Variants in TSHZ2 observed in about 807,000 individuals in gnomAD.
TSHZ2 encodes the protein teashirt zinc finger homeobox 2.
TSHZ2 carries 21 observed loss-of-function variants against 74.4 expected under a neutral mutation model. That is an observed-to-expected ratio of 0.28 (90% CI 0.20 to 0.41). The LOEUF (loss-of-function observed/expected upper bound fraction) is 0.41. Among genes scored for constraint, TSHZ2 ranks in the 10% least tolerant of loss-of-function variants. The pLI is 1.00. For missense variants in TSHZ2, 1,244 were observed against 1,293.5 expected, an observed-to-expected ratio of 0.96 and a Z score of 0.59; for synonymous variants, 540 against 515.3, an observed-to-expected ratio of 1.05 and a Z score of -0.65.
At chr20:53,139,248 A>G (rs1046495251) in intron 1 of TSHZ2, among the ~76,000 whole-genome samples, 3 of 152,138 alleles carry the variant, frequency 2.0e-5, no homozygotes, top group Non-Finnish European at 4.4e-5. Flanking sequence ...GACTAAGGCT[A>G]TTTTGTTCAT....
At chr20:53,303,323 G>T (rs148358338) in intron 2 of TSHZ2, among the ~76,000 whole-genome samples, 1 of 152,272 alleles carries the variant, frequency 6.6e-6, no homozygotes, top group East Asian at 1.9e-4. Context: ...CTTAATCAGA[G>T]AAACTGTTTT....
rs550136855 is a variant in TSHZ2 at position 53,204,662 on chromosome 20, C to G, written c.41-48837C>G. 6.6e-5 allele frequency among the ~76,000 whole-genome samples: 10 copies of G among 152,206 alleles called. No individual in the cohort carries two copies. In the South Asian group the frequency reaches 1.2e-3, roughly 19 times the overall value. The stretch of plus-strand genomic sequence containing the variant: ...AATCACAGACACCATTTACCGGGTT[C>G]CTACCATGCATCACTGTATGAAGTT... On this transcript the variant is annotated intron_variant, in intron 1 of 2. Coordinates refer to ENST00000371497, the MANE Select transcript of TSHZ2 (RefSeq NM_173485.6).
chr20:53,405,943 G>A (rs1377990665), intron 2 of TSHZ2, among the ~76,000 whole-genome samples: 1 of 152,096 alleles, frequency 6.6e-6, no homozygotes, highest in African/African-American at 2.4e-5. Context: ...GTTGCAATGA[G>A]CCTATATTGC....
rs1986526944 is a variant in TSHZ2, at chr20:53,494,370, T to A, written c.*7235T>A. 6.6e-6 allele frequency: 1 copy of A among 151,714 alleles called. No homozygotes were observed. Among genetic ancestry groups the A allele is most frequent in the Admixed American group, 6.6e-5 (1 of 15,238 alleles). 9.4% of individuals were successfully genotyped at this position (151,714 alleles called of 1,614,324 possible). A position where few individuals can be genotyped will look rare whatever the true frequency, so the allele number is the denominator to read the frequency against. Reference sequence around the variant, plus strand: ...GCCACCATCCTGTCCTCCTTCGTAATCATGAACAATCTGATCTTGAACTCC... The same window carrying A: ...GCCACCATCCTGTCCTCCTTCGTAAACATGAACAATCTGATCTTGAACTCC... On this transcript the variant is annotated 3_prime_UTR_variant, in exon 3 of 3. Coordinates refer to ENST00000371497, the MANE Select transcript of TSHZ2 (RefSeq NM_173485.6).
rs1215458935 is a variant in TSHZ2 at position 53,045,932 on chromosome 20, G to C, written c.40+72599G>C. ...ATACAGTAAGTGCTGTTGATGGACA[G>C]ATATTGACCAGCTCTGCTCCTTTCT... On this transcript the variant is annotated intron_variant, in intron 1 of 2. Transcript: ENST00000371497. Among the ~76,000 whole-genome samples, 4 of 152,292 alleles carry C rather than the reference G, an allele frequency of 2.6e-5. No homozygotes were observed. The East Asian group carries it at 7.7e-4, about 29-fold the overall frequency.
chr20:53,093,738 C>T (rs1985956502), intron 1 of TSHZ2, among the ~76,000 whole-genome samples: 1 of 152,198 alleles, frequency 6.6e-6, no homozygotes, highest in Admixed American at 6.5e-5. Flanking sequence ...GTCTTATTCA[C>T]AGTTGAAATC....
intron 1 of TSHZ2, among the ~76,000 whole-genome samples, chr20:53,216,446 C>T (rs1323437533): frequency 1.3e-5 from 2 of 152,238 alleles, no homozygotes; most frequent in African/African-American, 4.8e-5. Context: ...ACAGCCAGAG[C>T]ACTGAAGGCC....
In TSHZ2 at chr20:53,480,625, C is replaced by G. The variant is rs558716364; in HGVS notation, c.*9-6519C>G. Among the ~76,000 whole-genome samples the G allele has an allele frequency of 1.8e-4, 27 of 152,088 alleles. No individual in the cohort carries two copies. The Middle Eastern group carries it at 0.014, about 77-fold the overall frequency. ...GGTGCAGGATGATGGACAACAGCAC[C>G]TTGTGTGAAACTGTCTCACACATTG... On this transcript the variant is annotated intron_variant, in intron 2 of 2. Coordinates refer to ENST00000371497, the MANE Select transcript of TSHZ2 (RefSeq NM_173485.6).
chr20:53,311,602 A>G (rs1978789443), intron 2 of TSHZ2, among the ~76,000 whole-genome samples: 1 of 152,206 alleles, frequency 6.6e-6, no homozygotes, highest in African/African-American at 2.4e-5. Context: ...TTGATCAGAC[A>G]CTCAGACACA....
At chr20:52,982,256 C>T (rs145620816) in intron 1 of TSHZ2, among the ~76,000 whole-genome samples, 7 of 152,312 alleles carry the variant, frequency 4.6e-5, no homozygotes, top group African/African-American at 1.4e-4. Flanking sequence ...GTTTTAAACT[C>T]AGCTCTTCCT....
intron 1 of TSHZ2, chr20:53,168,719 C>T (rs1449079130): frequency 6.6e-6 from 1 of 152,222 alleles, no homozygotes; most frequent in Non-Finnish European, 1.5e-5. Context: ...ATGCAACCTT[C>T]TTTCCAGGGT....
At chr20:53,082,802 T>C (rs1985578526) in intron 1 of TSHZ2, among the ~76,000 whole-genome samples, 1 of 152,190 alleles carries the variant, frequency 6.6e-6, no homozygotes, top group Non-Finnish European at 1.5e-5. Flanking sequence ...CAAAGTCCGT[T>C]ATGGGAAGGT....
intron 2 of TSHZ2, among the ~76,000 whole-genome samples, chr20:53,323,563 C>CTGTT (rs1979363088): frequency 2.7e-5 from 1 of 36,662 alleles, no homozygotes; most frequent in African/African-American, 1.2e-4. Flanking sequence ...CCTTGGAGGG[C>CTGTT]TTTTTTTTTT....
At chr20:53,178,231 A>G (rs932079751) in intron 1 of TSHZ2, 1 of 152,268 alleles carries the variant, frequency 6.6e-6, no homozygotes, top group Non-Finnish European at 1.5e-5. Context: ...AACTTCTGCC[A>G]TGACACTCGG....
intron 2 of TSHZ2, among the ~76,000 whole-genome samples, chr20:53,327,557 G>A (rs1438653016): frequency 6.6e-6 from 1 of 152,216 alleles, no homozygotes; most frequent in Non-Finnish European, 1.5e-5. Context: ...CCTTCCAAGT[G>A]ATGTAACAAG....
chr20:53,133,328 C>T lies in TSHZ2; in HGVS notation c.41-120171C>T, dbSNP rs78756398. 5.3e-3 allele frequency among the ~76,000 whole-genome samples: 808 copies of T among 152,352 alleles called. 10 individuals are homozygous for T. The highest frequency in any genetic ancestry group is 0.018 in the African/African-American group (755 of 41,582). On this transcript the variant is annotated intron_variant, in intron 1 of 2. Transcript: ENST00000371497. ...CTCCATTTCCTGTAATTAATCTCAG[C>T]TTTCCCACAGCTCAGCAGTACATGA...
rs1568931952 is a variant in TSHZ2, at chr20:53,469,638, A to AGGG, written c.*9-17506_*9-17505insGGG. ...ATAGAGAGGGAGGAAGGGAGGGAGGAAGGAAGGAAGGAAGGAAGGAAGGAA... is the reference window on the plus strand; with the variant it reads ...ATAGAGAGGGAGGAAGGGAGGGAGGAGGGAGGAAGGAAGGAAGGAAGGAAGGAA... On this transcript the variant is annotated intron_variant, in intron 2 of 2. Coordinates refer to ENST00000371497, the MANE Select transcript of TSHZ2 (RefSeq NM_173485.6). Among the ~76,000 whole-genome samples, 22 of 49,512 alleles carry AGGG rather than the reference A, an allele frequency of 4.4e-4. 1 individual carries two copies. The highest frequency in any genetic ancestry group is 1.6e-3 in the African/African-American group (19 of 11,660). The allele number at this position is 49,512 out of a possible 152,430, so 32.5% of individuals were successfully genotyped here.
At chr20:53,239,216 C>T (rs992727230) in intron 1 of TSHZ2, among the ~76,000 whole-genome samples, 4 of 152,102 alleles carry the variant, frequency 2.6e-5, no homozygotes, top group African/African-American at 7.2e-5. Context: ...CGAATGTCCC[C>T]AGGAGCAAAA....
chr20:53,042,159 A>C (rs1361283030), intron 1 of TSHZ2, among the ~76,000 whole-genome samples: 1 of 152,214 alleles, frequency 6.6e-6, no homozygotes, highest in Non-Finnish European at 1.5e-5. Context: ...AAATATAGGT[A>C]TTTATCCCTC....
Sources: gnomAD v4.1 joint callset for allele counts (sites outside exome capture counted in the v4.1 genomes callset) on GRCh38, gnomAD v4.1.1 for gene constraint, MANE v1.5 for transcripts, NCBI Gene and HGNC (gene_info 2026-07-23, HGNC 2026-07-21) for gene names.